DRAM1: variants seen among roughly 807,000 people sequenced by gnomAD.
DRAM1 encodes the protein DNA damage-regulated autophagy modulator protein 1.
A neutral mutation model predicts 28.5 loss-of-function variants in DRAM1; 25 were observed. The ratio of observed to expected loss-of-function variants is 0.88; its 90% CI spans 0.64 to 1.23. DRAM1 has a LOEUF of 1.23. Among genes scored for constraint, DRAM1 ranks in the 50% most tolerant of loss-of-function variants. The pLI is 0.00. For missense variants in DRAM1, 249 were observed against 299.2 expected, an observed-to-expected ratio of 0.83 and a Z score of 1.24; for synonymous variants, 113 against 114.2, an observed-to-expected ratio of 0.99 and a Z score of 0.07.
chr12:101,900,786 TC>T (rs1238644052), intron 2 of DRAM1, among the ~76,000 whole-genome samples: 3 of 152,164 alleles, frequency 2.0e-5, no homozygotes, highest in Admixed American at 1.3e-4. Flanking sequence ...TAATATTACT[TC>T]TAGGAACTGG....
chr12:101,886,810 CTG>C (rs1872900458), intron 1 of DRAM1, among the ~76,000 whole-genome samples: 2 of 152,114 alleles, frequency 1.3e-5, no homozygotes, highest in East Asian at 3.8e-4. Flanking sequence ...TACATATTAA[CTG>C]TTGATCTGTG....
At chr12:101,898,025 AT>A (rs1873450429) in intron 2 of DRAM1, 95 bp downstream of exon 2, 2 of 731,744 alleles carry the variant, frequency 2.7e-6, no homozygotes, top group Non-Finnish European at 2.1e-6. Context: ...TTTTTATTTT[AT>A]TTTATTTATT....
intron 1 of DRAM1, among the ~76,000 whole-genome samples, chr12:101,895,566 A>ATTTTTGTTT (rs61325494): frequency 1.9e-5 from 2 of 103,422 alleles, no homozygotes; most frequent in South Asian, 3.1e-4. Context: ...AAGGGAGGCT[A>ATTTTTGTTT]TTTTTTTTTT....
chr12:101,892,455 T>C (rs1873175128), intron 1 of DRAM1, among the ~76,000 whole-genome samples: 1 of 151,102 alleles, frequency 6.6e-6, no homozygotes, highest in African/African-American at 2.4e-5. Flanking sequence ...GGTTTCACCA[T>C]GTTGGCCAGG....
intron 4 of DRAM1, among the ~76,000 whole-genome samples, chr12:101,913,099 A>G (rs1269067004): frequency 3.9e-5 from 6 of 151,986 alleles, no homozygotes; most frequent in African/African-American, 1.4e-4. Context: ...TCTTTTTTGC[A>G]TTCTAAGTTC....
intron 2 of DRAM1, 123 bp from the exon 3 acceptor site, chr12:101,901,166 CAG>C (rs969222169): frequency 1.7e-5 from 15 of 897,146 alleles, no homozygotes; most frequent in East Asian, 2.8e-5. Flanking sequence ...TCAGGAGGGA[CAG>C]GGGTGGGAAA....
intron 1 of DRAM1, among the ~76,000 whole-genome samples, chr12:101,895,139 A>G (rs1486552803): frequency 6.7e-6 from 1 of 149,414 alleles, no homozygotes; most frequent in Non-Finnish European, 1.5e-5. Context: ...AGTGTGAAAA[A>G]TGGTTATTGT....
chr12:101,887,532 CTTTTTCT>C (rs1872930180), intron 1 of DRAM1, among the ~76,000 whole-genome samples: 1 of 143,840 alleles, frequency 7.0e-6, no homozygotes, highest in Non-Finnish European at 1.5e-5. Flanking sequence ...AGACTTTTTT[CTTTTTCT>C]TTTTTTTTTG....
At chr12:101,915,546 C>A (rs78208390) in intron 5 of DRAM1, among the ~76,000 whole-genome samples, 2 of 144,846 alleles carry the variant, frequency 1.4e-5, no homozygotes, top group Admixed American at 6.8e-5. Flanking sequence ...ACTTTGAAGA[C>A]TTTTTTTTTT....
intron 6 of DRAM1, 76 bp from the exon 7 acceptor site, chr12:101,921,140 G>C: frequency 9.8e-7 from 1 of 1,023,764 alleles, no homozygotes; most frequent in Non-Finnish European, 1.6e-6. Flanking sequence ...GTGGTGCAGA[G>C]CTGTTGGAAA....
chr12:101,918,944 CAG>C (rs1874361738), intron 5 of DRAM1, among the ~76,000 whole-genome samples: 2 of 151,874 alleles, frequency 1.3e-5, no homozygotes, highest in African/African-American at 4.8e-5. Context: ...ATTTTTGAGA[CAG>C]AGTCTTGCTC....
At chr12:101,895,896 C>G (rs1873350656) in intron 1 of DRAM1, among the ~76,000 whole-genome samples, 3 of 150,066 alleles carry the variant, frequency 2.0e-5, no homozygotes, top group South Asian at 2.1e-4. Context: ...ACTTCTTTTT[C>G]TTTTTTTTGA....
chr12:101,891,278 A>G (rs977745797), intron 1 of DRAM1, among the ~76,000 whole-genome samples: 5 of 152,166 alleles, frequency 3.3e-5, no homozygotes, highest in African/African-American at 9.7e-5. Flanking sequence ...CAATTAGTGT[A>G]TGAGTTTGGA....
At chr12:101,883,612 C>T (rs1872769833) in intron 1 of DRAM1, among the ~76,000 whole-genome samples, 1 of 150,292 alleles carries the variant, frequency 6.7e-6, no homozygotes, top group African/African-American at 2.4e-5. Context: ...CTGCGCCCCG[C>T]ATGAATGTTT....
At position 101,901,421 on chromosome 12, in the gene DRAM1, C is replaced by T. The variant is rs1387352426; in HGVS notation, c.330C>T (p.Val110=). ...TGGGATGTTTCGGAATGGGCATTGT[C>T]GCCAATTTTCAGGTATAATCTGGAG... ...GLVGCFGMGI[V]ANFQELAVPV... Residue 110 remains valine (V), a synonymous_variant, in exon 3 of 7, where the codon GTC becomes GTT. Coordinates refer to ENST00000258534, the MANE Select transcript of DRAM1 (RefSeq NM_018370.3). The T allele has an allele frequency of 1.4e-5, 22 of 1,613,778 alleles. No individual in the cohort carries two copies. Among genetic ancestry groups the T allele is most frequent in the African/African-American group, 4.0e-5 (3 of 74,864 alleles).
At chr12:101,883,316 T>G (rs1340182687) in intron 1 of DRAM1, among the ~76,000 whole-genome samples, 3 of 89,578 alleles carry the variant, frequency 3.3e-5, no homozygotes, top group Admixed American at 9.6e-5. Context: ...CCAAATAGGT[T>G]TTTTTTTTTT....
intron 1 of DRAM1, among the ~76,000 whole-genome samples, chr12:101,894,139 A>G (rs780610868): frequency 3.3e-5 from 5 of 151,842 alleles, no homozygotes; most frequent in Non-Finnish European, 5.9e-5. Context: ...AATTTTTGAG[A>G]CAGAGTCTCA....
At position 101,922,360 on chromosome 12, in the gene DRAM1, T is replaced by C. The variant is rs1874515127; in HGVS notation, c.*1100T>C. The C allele has an allele frequency of 6.6e-6, 1 of 152,278 alleles. No individual in the cohort carries two copies. Among genetic ancestry groups the C allele is most frequent in the Non-Finnish European group, 1.5e-5 (1 of 68,076 alleles). 9.4% of individuals were successfully genotyped at this position (152,278 alleles called of 1,614,324 possible). A position where few individuals can be genotyped will look rare whatever the true frequency, so the allele number is the denominator to read the frequency against. ...CCAGAGGAAGAAGCAGCCCTTGAAATGTTAAGGCTTAGGCTTGAAAGGTGA... is the reference window on the plus strand; with the variant it reads ...CCAGAGGAAGAAGCAGCCCTTGAAACGTTAAGGCTTAGGCTTGAAAGGTGA... On this transcript the variant is annotated 3_prime_UTR_variant, in exon 7 of 7. Transcript: ENST00000258534.
At chr12:101,890,749 ATT>A (rs10616632) in intron 1 of DRAM1, among the ~76,000 whole-genome samples, 37 of 135,716 alleles carry the variant, frequency 2.7e-4, no homozygotes, top group African/African-American at 3.8e-4. Context: ...CCGCCATTCT[ATT>A]TTTTTTTTTT....
Sources: allele counts gnomAD v4.1 joint callset (sites outside exome capture counted in the v4.1 genomes callset), GRCh38; gene constraint gnomAD v4.1.1; transcripts MANE v1.5; gene names NCBI Gene and HGNC (gene_info 2026-07-23, HGNC 2026-07-21).